ANO3: variants seen among roughly 807,000 people sequenced by gnomAD.
ANO3 encodes the protein anoctamin-3.
Under a neutral mutation model 144.8 loss-of-function variants are expected in ANO3, and 99 were observed. That is an observed-to-expected ratio of 0.68 (90% CI 0.58 to 0.81). The LOEUF is 0.81. Ranked by LOEUF, ANO3 falls within the 30% of genes least tolerant of loss-of-function variation. The pLI is 0.00. For synonymous variants in ANO3, 414 were observed against 392.6 expected (o/e 1.05, Z -0.64); for missense variants, 905 against 1,202.2 (o/e 0.75, Z 3.66).
At chr11:26,531,061 C>A (rs1382475613) in intron 7 of ANO3, 144 bp from the exon 8 acceptor site, 2 of 776,994 alleles carry the variant, frequency 2.6e-6, no homozygotes, top group Non-Finnish European at 3.9e-6. Context: ...GGAACAGAAG[C>A]AATGCACGTG....
chr11:26,222,575 G>A (rs1328328592), intron 1 of ANO3, among the ~76,000 whole-genome samples: 1 of 152,192 alleles, frequency 6.6e-6, no homozygotes, highest in Non-Finnish European at 1.5e-5. Context: ...GTATCTCTCT[G>A]GGGACTCCAC....
chr11:26,542,186 T>C (rs961327204), intron 11 of ANO3, 118 bp downstream of exon 11: 1 of 1,128,652 alleles, frequency 8.9e-7, no homozygotes, highest in African/African-American at 1.6e-5. Context: ...AAGCAACCAC[T>C]ATAAGATTTT....
intron 5 of ANO3, among the ~76,000 whole-genome samples, chr11:26,509,692 T>G (rs1861581336): frequency 6.6e-6 from 1 of 152,170 alleles, no homozygotes; most frequent in African/African-American, 2.4e-5. Flanking sequence ...TGATGAAATA[T>G]CTAGATAATT....
chr11:26,230,898 T>A, intron 1 of ANO3, among the ~76,000 whole-genome samples: 1 of 150,220 alleles, frequency 6.7e-6, no homozygotes, highest in East Asian at 1.9e-4. Context: ...TTTTTTTTTT[T>A]TTTTCTTTTT....
At position 26,656,185 on chromosome 11, in the gene ANO3, G is replaced by A. The variant is rs755440311; in HGVS notation, c.2637G>A (p.Met879Ile). ...LSFFDLSELGMGKSGYCRYRD... is the reference protein window; with the variant it reads ...LSFFDLSELGIGKSGYCRYRD... ...TCTTTGACCTGAGTGAGCTTGGTAT[G>A]GGAAAATCTGGTTATTGCAGGTACT... Residue 879 changes from methionine to isoleucine, a missense_variant, in exon 25 of 27, where the codon ATG (methionine) becomes ATA (isoleucine). Met to Ile is a conservative substitution (Grantham distance 10). Coordinates refer to ENST00000256737, the MANE Select transcript of ANO3 (RefSeq NM_031418.4). The A allele has an allele frequency of 1.2e-6, 2 of 1,613,520 alleles. No homozygotes were observed. Among genetic ancestry groups the A allele is most frequent in the East Asian group, 2.2e-5 (1 of 44,862 alleles).
chr11:26,473,914 A>C (rs1227907973), intron 4 of ANO3: 24 of 984,594 alleles, frequency 2.4e-5, no homozygotes, highest in Non-Finnish European at 2.9e-5. Context: ...ATGATTATTC[A>C]AACTCTGGCA....
intron 17 of ANO3, among the ~76,000 whole-genome samples, chr11:26,611,247 A>G (rs1852090268): frequency 6.6e-6 from 1 of 151,840 alleles, no homozygotes; most frequent in Admixed American, 6.6e-5. Flanking sequence ...TTAGGCATTT[A>G]TTTCTATAAA....
intron 1 of ANO3, among the ~76,000 whole-genome samples, chr11:26,363,853 A>G (rs1048136187): frequency 3.3e-5 from 5 of 152,038 alleles, no homozygotes; most frequent in African/African-American, 1.2e-4. Flanking sequence ...GATTAAACCA[A>G]TTGACCTAAC....
intron 4 of ANO3, among the ~76,000 whole-genome samples, chr11:26,495,177 T>C (rs1486866164): frequency 6.6e-6 from 1 of 151,812 alleles, no homozygotes; most frequent in Non-Finnish European, 1.5e-5. Flanking sequence ...CAAACACAGC[T>C]CACTGCAGCT....
At chr11:26,400,534 C>T (rs989086436) in intron 1 of ANO3, among the ~76,000 whole-genome samples, 4 of 151,868 alleles carry the variant, frequency 2.6e-5, no homozygotes, top group African/African-American at 9.7e-5. Context: ...CATAATTATA[C>T]ATATTTGACA....
intron 1 of ANO3, among the ~76,000 whole-genome samples, chr11:26,246,020 C>A (rs565939549): frequency 2.0e-5 from 3 of 152,228 alleles, no homozygotes; most frequent in Non-Finnish European, 4.4e-5. Flanking sequence ...TTGATGAGTG[C>A]AGACTTTGGG....
intron 12 of ANO3, among the ~76,000 whole-genome samples, chr11:26,552,985 A>G (rs1364839878): frequency 1.3e-5 from 2 of 152,234 alleles, no homozygotes; most frequent in African/African-American, 2.4e-5. Flanking sequence ...ATTGTAGACA[A>G]AGTTTCACCA....
intron 1 of ANO3, among the ~76,000 whole-genome samples, chr11:26,220,927 A>T (rs116543917): frequency 6.6e-6 from 1 of 151,810 alleles, no homozygotes; most frequent in Non-Finnish European, 1.5e-5. Flanking sequence ...CTGCCTACAG[A>T]TAAAGATGTG....
chr11:26,396,128 G>C (rs1857007771), intron 1 of ANO3, among the ~76,000 whole-genome samples: 1 of 152,110 alleles, frequency 6.6e-6, no homozygotes, highest in Non-Finnish European at 1.5e-5. Context: ...AGTAGGCGAA[G>C]GATATGAACA....
chr11:26,315,659 G>A (rs377209990), intron 1 of ANO3, among the ~76,000 whole-genome samples: 2 of 145,938 alleles, frequency 1.4e-5, no homozygotes, highest in South Asian at 2.1e-4. Context: ...CTATCTGTCT[G>A]TCTATCTATC....
chr11:26,617,619 CA>C (rs1442569290), intron 17 of ANO3, among the ~76,000 whole-genome samples: 3 of 152,160 alleles, frequency 2.0e-5, no homozygotes, highest in African/African-American at 7.2e-5. Context: ...ACTTATTGGT[CA>C]ATTTGGCATA....
intron 7 of ANO3, among the ~76,000 whole-genome samples, chr11:26,529,691 A>G (rs528366563): frequency 4.6e-5 from 7 of 151,034 alleles, no homozygotes; most frequent in Non-Finnish European, 1.0e-4. Flanking sequence ...ATAGAAACCC[A>G]TAGTGTGTAA....
intron 18 of ANO3, among the ~76,000 whole-genome samples, chr11:26,629,129 C>G (rs1446880945): frequency 6.6e-6 from 1 of 152,120 alleles, no homozygotes; most frequent in Non-Finnish European, 1.5e-5. Flanking sequence ...ATGTAACAAT[C>G]CTCCACTTCT....
intron 1 of ANO3, among the ~76,000 whole-genome samples, chr11:26,203,756 T>TA (rs1564915406): frequency 6.6e-6 from 1 of 152,140 alleles, no homozygotes; most frequent in Non-Finnish European, 1.5e-5. Context: ...CTACTGTTTG[T>TA]CATGTGCCTT....
Sources: allele counts gnomAD v4.1 joint callset (sites outside exome capture counted in the v4.1 genomes callset), GRCh38; gene constraint gnomAD v4.1.1; transcripts MANE v1.5; gene names NCBI Gene and HGNC (gene_info 2026-07-23, HGNC 2026-07-21).